The following HIP1R variants were observed in gnomAD, a reference collection of about 807,000 sequenced individuals.
HIP1R encodes huntingtin interacting protein 1 related, also known as huntingtin-interacting protein 1-related protein.
Under a neutral mutation model 144.2 loss-of-function variants are expected in HIP1R, and 135 were observed. The observed-to-expected ratio is 0.94, with a 90% confidence interval of 0.81 to 1.08. The LOEUF (loss-of-function observed/expected upper bound fraction) is 1.08. HIP1R is among the 50% of genes least tolerant of loss of function. The probability of loss-of-function intolerance (pLI) is 0.00; values close to 1 mark genes in which losing one functional copy is unlikely to be tolerated. For synonymous variants in HIP1R, 698 were observed against 612.8 expected (o/e 1.14, Z -2.05); for missense variants, 1,462 against 1,432.8 (o/e 1.02, Z -0.33).
At chr12:122,858,026 G>GGGTC in intron 18 of HIP1R, 76 bp from the exon 19 acceptor site, 2 of 1,376,618 alleles carry the variant, frequency 1.5e-6, no homozygotes, top group Non-Finnish European at 2.0e-6. Flanking sequence ...GGTGGCCCAT[G>GGGTC]GGTCATTCCA....
At chr12:122,850,978 C>T in intron 6 of HIP1R, 67 bp downstream of exon 6, 1 of 1,447,668 alleles carries the variant, frequency 6.9e-7, no homozygotes, top group African/African-American at 1.4e-5. Context: ...TACCGCGTCT[C>T]ACGCCCAGGC....
intron 27 of HIP1R, 74 bp downstream of exon 27, chr12:122,860,597 G>A (rs1024575730): frequency 6.4e-7 from 1 of 1,560,596 alleles, no homozygotes; most frequent in Admixed American, 1.7e-5. Context: ...TCAACAGGGT[G>A]CAGGGAGTAG....
At chr12:122,839,940 C>T (rs965059467) in intron 1 of HIP1R, among the ~76,000 whole-genome samples, 4 of 152,222 alleles carry the variant, frequency 2.6e-5, no homozygotes, top group Admixed American at 6.5e-5. Flanking sequence ...GTTAGAATCA[C>T]CTGGTGGCTT....
Position 122,855,963 on chromosome 12 carries a change from C to T in HIP1R, c.1129-17C>T, listed in dbSNP as rs1178248638. The T allele has an allele frequency of 1.9e-6, 3 of 1,576,186 alleles. No individual in the cohort carries two copies. In the South Asian group the frequency reaches 3.5e-5, roughly 18 times the overall value. ...TCACGGCCCAGGCAGGGCCCCACGT[C>T]ACACCTCCTCCCGCAGGCCCAGCGG... On this transcript the variant is annotated splice_polypyrimidine_tract_variant and intron_variant, in intron 13 of 31. Transcript: ENST00000253083.
Position 122,848,585 on chromosome 12 carries a change from G to A in HIP1R, c.277G>A (p.Val93Ile). 1.2e-6 allele frequency: 2 copies of A among 1,612,830 alleles called. No individual in the cohort carries two copies. Among genetic ancestry groups the A allele is most frequent in the Admixed American group, 1.7e-5 (1 of 60,002 alleles). Residue 93 changes from valine to isoleucine, a missense_variant, in exon 3 of 32, where the codon GTC becomes ATC. By Grantham distance (29) the Val-to-Ile change is conservative (BLOSUM62 3). Transcript: ENST00000253083. ...GAAGTTCTGCCACGTCCTCCACAAG[G>A]TCCTTCGAGACGGGCACCCCAATGT... The part of the protein sequence containing the change: ...SWKFCHVLHK[V>I]LRDGHPNVLH...
chr12:122,837,848 C>T (rs1238399651), intron 1 of HIP1R, among the ~76,000 whole-genome samples: 1 of 152,162 alleles, frequency 6.6e-6, no homozygotes, highest in Non-Finnish European at 1.5e-5. Context: ...TAGATCGTTC[C>T]CAGAAATAAT....
chr12:122,853,935 A>G (rs2033475769), intron 7 of HIP1R, 108 bp from the exon 8 acceptor site: 5 of 1,318,634 alleles, frequency 3.8e-6, no homozygotes, highest in Non-Finnish European at 5.2e-6. Flanking sequence ...CAGGGGGCAC[A>G]CTGGTGTGTG....
At chr12:122,845,153 T>C (rs1181654749) in intron 1 of HIP1R, among the ~76,000 whole-genome samples, 1 of 152,170 alleles carries the variant, frequency 6.6e-6, no homozygotes, top group Non-Finnish European at 1.5e-5. Flanking sequence ...TGCCTGCTGC[T>C]GCGGCCCTCA....
chr12:122,851,320 G>A (rs372223816), intron 7 of HIP1R, 23 bp downstream of exon 7: 125 of 1,524,068 alleles, frequency 8.2e-5, no homozygotes, highest in Non-Finnish European at 1.0e-4. Context: ...GAGGGGATGC[G>A]GGGGTCTGAG....
chr12:122,852,753 C>T (rs544552767), intron 7 of HIP1R, among the ~76,000 whole-genome samples: 1 of 152,102 alleles, frequency 6.6e-6, no homozygotes, highest in South Asian at 2.1e-4. Flanking sequence ...AGAGATGTGT[C>T]GAATCTGGGA....
At chr12:122,859,282 T>C in intron 22 of HIP1R, 85 bp downstream of exon 22, 1 of 1,502,030 alleles carries the variant, frequency 6.7e-7, no homozygotes, top group Non-Finnish European at 9.0e-7. Context: ...GAACAGGTGT[T>C]TGTGCGTGGA....
At position 122,860,717 on chromosome 12, in the gene HIP1R, A is replaced by G. The variant is rs1171484674; in HGVS notation, c.2699A>G (p.Tyr900Cys). The G allele has an allele frequency of 1.9e-6, 3 of 1,613,278 alleles. No homozygotes were observed. Among genetic ancestry groups the G allele is most frequent in the Non-Finnish European group, 2.5e-6 (3 of 1,179,936 alleles). ...ADKVVLHTGK[Y>C]EELIVCSHEI... is the part of the protein sequence containing the mutation. Reference sequence around the variant, plus strand: ...AAGGTGGTGCTTCACACGGGCAAGTATGAGGAGCTCATCGTCTGCTCCCAC... The same window carrying G: ...AAGGTGGTGCTTCACACGGGCAAGTGTGAGGAGCTCATCGTCTGCTCCCAC... Residue 900 changes from tyrosine (Y) to cysteine (C), a missense_variant, in exon 28 of 32, where the codon TAT (tyrosine) becomes TGT (cysteine). This residue lies in a region of HIP1R where 1,112 missense variants were observed against 1,011.7 expected (regional missense o/e 1.10). Transcript: ENST00000253083.
At position 122,861,884 on chromosome 12, in the gene HIP1R, C is replaced by T. The variant is rs978369719; in HGVS notation, c.*131C>T. On this transcript the variant is annotated 3_prime_UTR_variant, in exon 32 of 32. Coordinates refer to ENST00000253083, the MANE Select transcript of HIP1R (RefSeq NM_003959.3). Reference sequence around the variant, plus strand: ...GCCCCACCGTCTGGATCAATGTCCTCAAGGCCCCTGGCCCTTACTGAGCCT... The same window carrying T: ...GCCCCACCGTCTGGATCAATGTCCTTAAGGCCCCTGGCCCTTACTGAGCCT... 2.4e-5 allele frequency: 19 copies of T among 800,476 alleles called. No homozygotes were observed. Among genetic ancestry groups the T allele is most frequent in the African/African-American group, 5.2e-5 (3 of 58,046 alleles). The allele number at this position is 800,476 out of a possible 1,614,324, so 49.6% of individuals were successfully genotyped here.
Position 122,859,752 on chromosome 12 carries a change from G to C in HIP1R, c.2407-20G>C. On this transcript the variant is annotated intron_variant, in intron 23 of 31. Coordinates refer to ENST00000253083, the MANE Select transcript of HIP1R (RefSeq NM_003959.3). ...GGTCCCCTCCTCCCAGCCAGCTCAC[G>C]GCTCTGTTCTTGGGTGCAGGACATG... 1 of 1,610,548 alleles carries C rather than the reference G, an allele frequency of 6.2e-7. No individual in the cohort carries two copies.
intron 8 of HIP1R, 50 bp from the exon 9 acceptor site, chr12:122,854,855 C>A: frequency 1.3e-6 from 2 of 1,579,118 alleles, no homozygotes; most frequent in Non-Finnish European, 1.7e-6. Flanking sequence ...GGCAGGTGAG[C>A]CCCTGAGCAG....
intron 4 of HIP1R, 126 bp downstream of exon 4, chr12:122,848,978 G>T: frequency 1.1e-6 from 1 of 931,432 alleles, no homozygotes. Flanking sequence ...GGGCGACAGT[G>T]GGAGGGGCAG....
chr12:122,851,628 C>T (rs907851652), intron 7 of HIP1R, among the ~76,000 whole-genome samples: 6 of 151,290 alleles, frequency 4.0e-5, no homozygotes, highest in African/African-American at 7.3e-5. Context: ...TGAACCTGGG[C>T]GGCGGAGATC....
intron 26 of HIP1R, 28 bp downstream of exon 26, chr12:122,860,238 G>T: frequency 6.5e-7 from 1 of 1,542,260 alleles, no homozygotes; most frequent in Non-Finnish European, 8.7e-7. Flanking sequence ...GCAGGGCACA[G>T]TCCACAAGGA....
upstream of HIP1R, chr12:122,835,340 G>A (rs1176806003): frequency 1.5e-5 from 15 of 987,648 alleles, no homozygotes; most frequent in Middle Eastern, 8.5e-4. Context: ...GTTGGGGGCG[G>A]GCGAGGCGTT....
Sources: allele counts gnomAD v4.1 joint callset (sites outside exome capture counted in the v4.1 genomes callset), GRCh38; gene constraint gnomAD v4.1.1; regional missense constraint gnomAD v4.1.1; transcripts MANE v1.5; gene names NCBI Gene and HGNC (gene_info 2026-07-23, HGNC 2026-07-21).